Variants in ZNF277 observed in about 807,000 individuals in gnomAD.
The protein encoded by ZNF277 is nuclear receptor-interacting factor 4.
Under a neutral mutation model 60.7 loss-of-function variants are expected in ZNF277, and 55 were observed. The ratio of observed to expected loss-of-function variants is 0.91; its 90% CI spans 0.73 to 1.13. The LOEUF (loss-of-function observed/expected upper bound fraction) is 1.13. Among genes scored for constraint, ZNF277 ranks in the 50% most tolerant of loss-of-function variants. The probability of loss-of-function intolerance (pLI) is 0.00; values close to 1 mark genes in which losing one functional copy is unlikely to be tolerated. For synonymous variants in ZNF277, 178 were observed against 179.3 expected (o/e 0.99, Z 0.06); for missense variants, 510 against 523.0 (o/e 0.98, Z 0.24).
chr7:112,254,906 A>G (rs1005867348), intron 1 of ZNF277, among the ~76,000 whole-genome samples: 2 of 152,090 alleles, frequency 1.3e-5, no homozygotes, highest in Non-Finnish European at 2.9e-5. Flanking sequence ...AGGGGAGTTC[A>G]AGGCTTCAGT....
chr7:112,230,541 C>T (rs964468908), intron 1 of ZNF277, among the ~76,000 whole-genome samples: 2 of 152,126 alleles, frequency 1.3e-5, no homozygotes, highest in African/African-American at 4.8e-5. Context: ...TACTTATAAC[C>T]ACTTGTGAAG....
chr7:112,297,592 T>C (rs1408038564), intron 4 of ZNF277, among the ~76,000 whole-genome samples: 1 of 152,232 alleles, frequency 6.6e-6, no homozygotes, highest in African/African-American at 2.4e-5. Flanking sequence ...TGTTGATTTA[T>C]ATCTAAGAAA....
In ZNF277 at chr7:112,296,315, AG is replaced by A; in HGVS notation, c.465+5del. ...AGAGCTTCAGAAACAGAGACTGGTAAGAATTGTTTTTAAAGGGTGAATAGTG... is the reference window on the plus strand; with the variant it reads ...AGAGCTTCAGAAACAGAGACTGGTAAAATTGTTTTTAAAGGGTGAATAGTG... On this transcript the variant is annotated splice_donor_5th_base_variant and intron_variant, in intron 4 of 11. Coordinates refer to ENST00000361822, the MANE Select transcript of ZNF277 (RefSeq NM_021994.3). 1 of 1,538,276 alleles carries A rather than the reference AG, an allele frequency of 6.5e-7. No homozygotes were observed. The highest frequency in any genetic ancestry group is 1.2e-5 in the South Asian group (1 of 83,906).
At chr7:112,250,760 AAG>A (rs1337577993) in intron 1 of ZNF277, among the ~76,000 whole-genome samples, 11 of 152,250 alleles carry the variant, frequency 7.2e-5, no homozygotes, top group Non-Finnish European at 1.2e-4. Flanking sequence ...GAGGTGAACA[AAG>A]AGATAGAAAA....
At chr7:112,313,665 C>T (rs1361193373) in intron 4 of ZNF277, among the ~76,000 whole-genome samples, 1 of 152,048 alleles carries the variant, frequency 6.6e-6, no homozygotes, top group African/African-American at 2.4e-5. Context: ...TCATAATCAA[C>T]AGTAAATTTC....
intron 5 of ZNF277, among the ~76,000 whole-genome samples, chr7:112,327,449 G>T (rs773982947): frequency 6.6e-6 from 1 of 151,782 alleles, no homozygotes; most frequent in Non-Finnish European, 1.5e-5. Context: ...CGATACCCCT[G>T]GTTTAAAGGA....
intron 4 of ZNF277, among the ~76,000 whole-genome samples, chr7:112,315,348 A>G (rs1286041695): frequency 1.3e-5 from 2 of 152,108 alleles, no homozygotes; most frequent in Non-Finnish European, 2.9e-5. Flanking sequence ...AGGTCTAAAC[A>G]GAGGATAGCT....
chr7:112,326,936 AT>A lies in ZNF277; in HGVS notation c.558-779del, dbSNP rs577496782. On this transcript the variant is annotated intron_variant, in intron 5 of 11. Transcript: ENST00000361822. ...TTTTTTGCTATGTAAAAGTTACATA[AT>A]TACATTTGTCCTTTTCTGTATAAAT... Among the ~76,000 whole-genome samples the A allele has an allele frequency of 5.7e-4, 87 of 152,316 alleles. 2 individuals are homozygous for A. Among genetic ancestry groups the A allele is most frequent in the African/African-American group, 2.0e-3 (84 of 41,564 alleles).
At position 112,339,875 on chromosome 7, in the gene ZNF277, GT is replaced by G. The variant is rs1644352409; in HGVS notation, c.1000del (p.Ser334GlnfsTer5). On this transcript the variant is annotated frameshift_variant, in exon 10 of 12. Coordinates refer to ENST00000361822, the MANE Select transcript of ZNF277 (RefSeq NM_021994.3). LOFTEE classifies it high-confidence loss of function. ...ACGAATTTGATCTTCTCAAAATAAA[GT>G]CAGAACTTGGTAAGTTTGATTCAGA... Reference protein sequence around the residue: ...AHEFDLLKIKSELGLNFYQQV... With the variant: ...AHEFDLLKIKXELGLNFYQQV... 4.3e-6 allele frequency: 7 copies of G among 1,610,606 alleles called. No individual in the cohort carries two copies. The highest frequency in any genetic ancestry group is 4.2e-6 in the Non-Finnish European group (5 of 1,179,888).
At chr7:112,327,196 C>T (rs1793116877) in intron 5 of ZNF277, among the ~76,000 whole-genome samples, 1 of 152,166 alleles carries the variant, frequency 6.6e-6, no homozygotes, top group South Asian at 2.1e-4. Context: ...TGATCCCCAA[C>T]CTTTTTGGCA....
intron 7 of ZNF277, among the ~76,000 whole-genome samples, chr7:112,331,212 T>A (rs961773300): frequency 7.2e-5 from 11 of 152,070 alleles, no homozygotes; most frequent in African/African-American, 2.7e-4. Flanking sequence ...GAGAGGCATT[T>A]GGAAATATGG....
At chr7:112,257,587 T>G (rs1000099784) in intron 1 of ZNF277, among the ~76,000 whole-genome samples, 2 of 152,118 alleles carry the variant, frequency 1.3e-5, no homozygotes, top group Non-Finnish European at 2.9e-5. Flanking sequence ...TAGGTATTAG[T>G]AATACCTGTT....
chr7:112,318,808 A>C (rs1792907899), intron 5 of ZNF277, among the ~76,000 whole-genome samples: 1 of 152,002 alleles, frequency 6.6e-6, no homozygotes, highest in South Asian at 2.1e-4. Context: ...CCAGCCATAA[A>C]CTCATATGGT....
intron 4 of ZNF277, among the ~76,000 whole-genome samples, chr7:112,313,839 C>T (rs1792784079): frequency 6.6e-6 from 1 of 151,936 alleles, no homozygotes; most frequent in Non-Finnish European, 1.5e-5. Flanking sequence ...TGTTATAAAC[C>T]CCTTTCCTTT....
intron 4 of ZNF277, among the ~76,000 whole-genome samples, chr7:112,308,616 G>C (rs950573009): frequency 2.6e-5 from 4 of 152,050 alleles, no homozygotes; most frequent in African/African-American, 9.7e-5. Flanking sequence ...AGTGGACTCT[G>C]GTCTAGTGTG....
intron 4 of ZNF277, among the ~76,000 whole-genome samples, chr7:112,299,653 T>C (rs1792429018): frequency 1.3e-5 from 2 of 152,224 alleles, no homozygotes; most frequent in Admixed American, 1.3e-4. Context: ...TTCATTCTAG[T>C]TTCTAAAACA....
At chr7:112,241,786 G>A (rs1197315991) in intron 1 of ZNF277, among the ~76,000 whole-genome samples, 1 of 152,114 alleles carries the variant, frequency 6.6e-6, no homozygotes, top group Admixed American at 6.6e-5. Context: ...CTCATTTGTG[G>A]AAGCTAAAAA....
intron 7 of ZNF277, among the ~76,000 whole-genome samples, chr7:112,332,872 AC>A (rs1266601141): frequency 6.6e-6 from 1 of 152,230 alleles, no homozygotes; most frequent in Non-Finnish European, 1.5e-5. Flanking sequence ...AGGGGTGCTT[AC>A]CAGAGGTATC....
chr7:112,269,245 T>G (rs1791615069), intron 1 of ZNF277, among the ~76,000 whole-genome samples: 1 of 151,314 alleles, frequency 6.6e-6, no homozygotes, highest in Non-Finnish European at 1.5e-5. Flanking sequence ...TTGCTGTAAA[T>G]AAAAGACTCT....
Sources: gnomAD v4.1 joint callset for allele counts (sites outside exome capture counted in the v4.1 genomes callset) on GRCh38, gnomAD v4.1.1 for gene constraint, MANE v1.5 for transcripts, NCBI Gene and HGNC (gene_info 2026-07-23, HGNC 2026-07-21) for gene names.